Variants in SUPT3H observed in about 807,000 individuals in gnomAD.
SUPT3H encodes transcription initiation protein SPT3 homolog.
A neutral mutation model predicts 44.3 loss-of-function variants in SUPT3H; 44 were observed. The ratio of observed to expected loss-of-function variants is 0.99; its 90% CI spans 0.78 to 1.28. SUPT3H has a LOEUF of 1.28. SUPT3H is among the 50% of genes most tolerant of loss of function. The pLI is 0.00. For synonymous variants in SUPT3H, 124 were observed against 125.6 expected (o/e 0.99, Z 0.09); for missense variants, 380 against 387.1 (o/e 0.98, Z 0.15).
chr6:44,835,346 G>C (rs1769638407), intron 10 of SUPT3H, among the ~76,000 whole-genome samples: 1 of 152,128 alleles, frequency 6.6e-6, no homozygotes, highest in Non-Finnish European at 1.5e-5. Context: ...ACTAAGTATA[G>C]AGTATACATG....
intron 2 of SUPT3H, among the ~76,000 whole-genome samples, chr6:45,110,354 T>C (rs563323872): frequency 3.3e-5 from 5 of 152,284 alleles, no homozygotes; most frequent in Admixed American, 6.5e-5. Flanking sequence ...GGAGGATGAA[T>C]GCTGAACAAA....
At chr6:45,222,043 A>T (rs1483899006) in intron 2 of SUPT3H, among the ~76,000 whole-genome samples, 1 of 152,158 alleles carries the variant, frequency 6.6e-6, no homozygotes, top group African/African-American at 2.4e-5. Flanking sequence ...TAACCTTTTC[A>T]ACAAATAGTG....
chr6:44,930,174 C>T (rs981810589), intron 10 of SUPT3H, among the ~76,000 whole-genome samples: 3 of 151,902 alleles, frequency 2.0e-5, no homozygotes, highest in South Asian at 4.2e-4. Flanking sequence ...GTCAGGAGAT[C>T]GAGACCATCC....
At chr6:45,249,401 A>C (rs555079710) in intron 2 of SUPT3H, among the ~76,000 whole-genome samples, 1 of 152,032 alleles carries the variant, frequency 6.6e-6, no homozygotes, top group African/African-American at 2.4e-5. Context: ...CAAAATTACT[A>C]GTCTTTTTAT....
intron 3 of SUPT3H, among the ~76,000 whole-genome samples, chr6:45,023,268 A>G (rs1166393558): frequency 6.6e-6 from 1 of 152,062 alleles, no homozygotes; most frequent in Non-Finnish European, 1.5e-5. Flanking sequence ...AAGTCAAAAA[A>G]AAAAAACAAA....
chr6:45,321,961 C>T, intron 2 of SUPT3H: 1 of 910,348 alleles, frequency 1.1e-6, no homozygotes, highest in Non-Finnish European at 1.6e-6. Flanking sequence ...AAGAAATATT[C>T]ATTAATCATC....
chr6:44,930,719 C>T (rs986804558), intron 10 of SUPT3H, among the ~76,000 whole-genome samples: 4 of 152,062 alleles, frequency 2.6e-5, no homozygotes, highest in Non-Finnish European at 4.4e-5. Flanking sequence ...GAGTTTGTTA[C>T]CATTTGTTGT....
At chr6:44,932,586 G>T in intron 10 of SUPT3H, 67 bp downstream of exon 10, 1 of 1,139,036 alleles carries the variant, frequency 8.8e-7, no homozygotes, top group South Asian at 1.6e-5. Context: ...TTCTTCATTT[G>T]ACCACTTGAA....
At chr6:45,131,704 C>A (rs1803493932) in intron 2 of SUPT3H, among the ~76,000 whole-genome samples, 1 of 152,178 alleles carries the variant, frequency 6.6e-6, no homozygotes, top group South Asian at 2.1e-4. Context: ...TAACTCTTTA[C>A]TTTTAACTAC....
chr6:45,286,943 G>A (rs1367313929), intron 2 of SUPT3H, among the ~76,000 whole-genome samples: 11 of 152,072 alleles, frequency 7.2e-5, no homozygotes, highest in Non-Finnish European at 1.6e-4. Context: ...TCCTTTGTAG[G>A]GGCATGGATG....
At chr6:45,259,441 C>T (rs955836291) in intron 2 of SUPT3H, among the ~76,000 whole-genome samples, 57 of 152,054 alleles carry the variant, frequency 3.7e-4, no homozygotes, top group African/African-American at 1.2e-3. Context: ...TTGGAAAGAA[C>T]ATTCTGTATA....
At chr6:45,084,133 T>C (rs554775127) in intron 3 of SUPT3H, among the ~76,000 whole-genome samples, 1 of 152,196 alleles carries the variant, frequency 6.6e-6, no homozygotes, top group East Asian at 1.9e-4. Flanking sequence ...ACAAAAAAAA[T>C]TGACAAGTGA....
chr6:44,835,083 A>G (rs1769576724), intron 10 of SUPT3H, among the ~76,000 whole-genome samples: 1 of 152,148 alleles, frequency 6.6e-6, no homozygotes. Flanking sequence ...TAAGATAGAT[A>G]TACATAGCTG....
intron 10 of SUPT3H, among the ~76,000 whole-genome samples, chr6:44,898,287 AG>A (rs1419168777): frequency 6.6e-6 from 1 of 152,190 alleles, no homozygotes; most frequent in Non-Finnish European, 1.5e-5. Context: ...CAATGGTGAA[AG>A]GAACAGTATG....
At chr6:45,200,583 T>C (rs1762324715) in intron 2 of SUPT3H, among the ~76,000 whole-genome samples, 1 of 151,512 alleles carries the variant, frequency 6.6e-6, no homozygotes. Flanking sequence ...GTAAGCACTT[T>C]ACATTTTTGA....
intron 10 of SUPT3H, among the ~76,000 whole-genome samples, chr6:44,832,512 G>A (rs898662521): frequency 4.6e-5 from 7 of 151,988 alleles, no homozygotes; most frequent in East Asian, 1.9e-4. Flanking sequence ...TGGATCCTAC[G>A]TGCCTATATA....
intron 10 of SUPT3H, among the ~76,000 whole-genome samples, chr6:44,898,138 G>C (rs1426536529): frequency 6.6e-6 from 1 of 152,164 alleles, no homozygotes; most frequent in Admixed American, 6.5e-5. Flanking sequence ...TTGTTAACTT[G>C]AAGTAGAAAT....
At chr6:45,006,249 T>TA (rs1782701959) in intron 5 of SUPT3H, among the ~76,000 whole-genome samples, 1 of 152,124 alleles carries the variant, frequency 6.6e-6, no homozygotes, top group East Asian at 1.9e-4. Flanking sequence ...TGGTTGTTTA[T>TA]AATGTCTCAA....
chr6:44,813,726 A>C (rs1335347350), intron 11 of SUPT3H, among the ~76,000 whole-genome samples: 1 of 151,926 alleles, frequency 6.6e-6, no homozygotes, highest in Non-Finnish European at 1.5e-5. Flanking sequence ...TTAAGAATTC[A>C]GTAGATGAGC....
Sources: allele counts gnomAD v4.1 joint callset (sites outside exome capture counted in the v4.1 genomes callset), GRCh38; gene constraint gnomAD v4.1.1; transcripts MANE v1.5; gene names NCBI Gene and HGNC (gene_info 2026-07-23, HGNC 2026-07-21).